The following TBXAS1 variants were observed in gnomAD, a reference collection of about 807,000 sequenced individuals.
TBXAS1 encodes the protein thromboxane A synthase 1, also known as thromboxane-A synthase.
TBXAS1 carries 48 observed loss-of-function variants against 60.7 expected under a neutral mutation model. That is an observed-to-expected ratio of 0.79 (90% confidence interval 0.63 to 1.01). The LOEUF is 1.01. Ranked by LOEUF, TBXAS1 falls within the 50% of genes least tolerant of loss-of-function variation. The pLI is 0.00. For missense variants in TBXAS1, 685 were observed against 686.3 expected, an observed-to-expected ratio of 1.00 and a Z score of 0.02; for synonymous variants, 287 against 269.7, an observed-to-expected ratio of 1.06 and a Z score of -0.63.
rs190857719 is a variant in TBXAS1, at chr7:139,887,199, C to T, written c.236+11562C>T. ...TCAGAATTGATGGTCTCCCACTTCT[C>T]GGTTAGATCTAGGTATTGAGAATAA... On this transcript the variant is annotated intron_variant, in intron 3 of 12. Transcript: ENST00000448866. Among the ~76,000 whole-genome samples the T allele has an allele frequency of 5.3e-5, 8 of 152,256 alleles. No homozygotes were observed. The East Asian group carries it at 9.6e-4, about 18-fold the overall frequency.
At position 140,013,178 on chromosome 7, in the gene TBXAS1, C is replaced by A. The variant is rs933867955; in HGVS notation, c.1227-2545C>A. 6.6e-6 allele frequency among the ~76,000 whole-genome samples: 1 copy of A among 151,946 alleles called. No individual in the cohort carries two copies. The highest frequency in any genetic ancestry group is 6.6e-5 in the Admixed American group (1 of 15,250). On this transcript the variant is annotated intron_variant, in intron 10 of 12. Coordinates refer to ENST00000448866, the MANE Select transcript of TBXAS1 (RefSeq NM_001061.7). The surrounding 1 kb of genome is among the most constrained non-coding windows in gnomAD (Gnocchi z 4.2). ...GTAGGTGAGTTGAAGGGAGTTCTGA[C>A]AGGTAAGACTGTTGTCTGGCAAGTG...
intron 9 of TBXAS1, among the ~76,000 whole-genome samples, chr7:139,984,928 G>GAA (rs1251680378): frequency 1.6e-5 from 1 of 62,882 alleles, no homozygotes. Flanking sequence ...AAGAAGGAAA[G>GAA]AAAGAAAGAA....
At chr7:139,809,958 A>T (rs1215380050) in intron 4 of TBXAS1, among the ~76,000 whole-genome samples, 2 of 152,182 alleles carry the variant, frequency 1.3e-5, no homozygotes, top group African/African-American at 4.8e-5. Flanking sequence ...TCATAGTGAT[A>T]ATTTAAGGCA....
intron 9 of TBXAS1, among the ~76,000 whole-genome samples, chr7:139,969,457 CAAAAAAAAAAAAAAA>C (rs71170928): frequency 9.9e-6 from 1 of 101,038 alleles, no homozygotes; most frequent in Non-Finnish European, 1.9e-5. Flanking sequence ...TATGTGCTTA[CAAAAAAAAAAAAAAA>C]AAAAAAAAAA....
At position 139,911,335 on chromosome 7, in the gene TBXAS1, T is replaced by C. The variant is rs1038235053; in HGVS notation, c.333+14T>C. The C allele has an allele frequency of 1.2e-6, 2 of 1,603,886 alleles. No individual in the cohort carries two copies. Among genetic ancestry groups the C allele is most frequent in the Non-Finnish European group, 1.7e-6 (2 of 1,170,632 alleles). On this transcript the variant is annotated intron_variant, in intron 4 of 12. Transcript: ENST00000448866. ...ACCAACAGAATGGTACGTAGTTTTC[T>C]TTCCGCATATAGATGGATGGGGAAT... is the stretch of plus-strand genomic sequence containing the variant.
intron 1 of TBXAS1, among the ~76,000 whole-genome samples, chr7:139,779,784 G>A (rs1371808744): frequency 1.3e-5 from 2 of 152,208 alleles, no homozygotes; most frequent in Non-Finnish European, 1.5e-5. Context: ...CATCAAGGCA[G>A]GCGAGTCCTG....
intron 3 of TBXAS1, among the ~76,000 whole-genome samples, chr7:139,879,159 C>T (rs1802486772): frequency 1.3e-5 from 2 of 152,234 alleles, no homozygotes; most frequent in Admixed American, 6.5e-5. Context: ...GGGCAGACAA[C>T]ATCAATGTTT....
At chr7:139,858,009 T>G (rs1217298696) in intron 1 of TBXAS1, among the ~76,000 whole-genome samples, 1 of 152,122 alleles carries the variant, frequency 6.6e-6, no homozygotes, top group Non-Finnish European at 1.5e-5. Context: ...ACTGGGATTA[T>G]GGGTGTGAGC....
intron 9 of TBXAS1, among the ~76,000 whole-genome samples, chr7:139,988,365 C>T (rs1221864833): frequency 6.6e-6 from 1 of 152,238 alleles, no homozygotes; most frequent in African/African-American, 2.4e-5. Context: ...TTACCCATCA[C>T]ACTTGCGCTG....
At chr7:139,970,732 A>T (rs1811136302) in intron 9 of TBXAS1, among the ~76,000 whole-genome samples, 1 of 152,176 alleles carries the variant, frequency 6.6e-6, no homozygotes, top group African/African-American at 2.4e-5. Flanking sequence ...GCCTAAAATC[A>T]TCTATTTTCT....
intron 8 of TBXAS1, among the ~76,000 whole-genome samples, chr7:139,959,435 A>G (rs1810151133): frequency 6.6e-6 from 1 of 152,222 alleles, no homozygotes; most frequent in South Asian, 2.1e-4. Context: ...TTCCTTGGAT[A>G]GGACCATAAA....
intron 1 of TBXAS1, among the ~76,000 whole-genome samples, chr7:139,842,648 G>C (rs1799529621): frequency 6.6e-6 from 1 of 152,254 alleles, no homozygotes; most frequent in Admixed American, 6.5e-5. Context: ...AATAGGTGCT[G>C]TTGCACAACT....
At chr7:139,990,923 G>A (rs1426116970) in intron 9 of TBXAS1, among the ~76,000 whole-genome samples, 2 of 152,152 alleles carry the variant, frequency 1.3e-5, no homozygotes, top group African/African-American at 4.8e-5. Context: ...GAAGCCTCCC[G>A]ACGGTGCAGG....
At chr7:139,833,540 AG>A (rs1307453255) in intron 1 of TBXAS1, among the ~76,000 whole-genome samples, 5 of 135,516 alleles carry the variant, frequency 3.7e-5, no homozygotes, top group African/African-American at 1.3e-4. Context: ...AAAAAATTAG[AG>A]GGGTGTGGTG....
rs763326515 is a variant in TBXAS1 at position 139,872,263 on chromosome 7, GAGAAGTTAGGCCTC to G, written c.122_135del (p.Lys41ThrfsTer47). ...CTCCACATCAGCATTCTCAAGACTGGAGAAGTTAGGCCTCAGACATCCCAAGCCTTCTCCTTTCA... is the reference window on the plus strand; with the variant it reads ...CTCCACATCAGCATTCTCAAGACTGGAGACATCCCAAGCCTTCTCCTTTCA... On this transcript the variant is annotated frameshift_variant, in exon 2 of 13. Coordinates refer to ENST00000448866, the MANE Select transcript of TBXAS1 (RefSeq NM_001061.7). LOFTEE classifies it high-confidence loss of function. 1.9e-5 allele frequency: 30 copies of G among 1,614,088 alleles called. No individual in the cohort carries two copies. The South Asian group carries it at 3.3e-4, about 18-fold the overall frequency.
At chr7:139,967,727 T>C (rs139244095) in intron 9 of TBXAS1, among the ~76,000 whole-genome samples, 1 of 152,298 alleles carries the variant, frequency 6.6e-6, no homozygotes, top group East Asian at 1.9e-4. Flanking sequence ...GAGAGGTTGA[T>C]CCCCAAATCA....
chr7:140,007,205 G>T, intron 10 of TBXAS1, 23 bp downstream of exon 10: 1 of 1,610,868 alleles, frequency 6.2e-7, no homozygotes, highest in Non-Finnish European at 8.5e-7. Flanking sequence ...CCCCTCCCCT[G>T]CCCGAGTCCC....
rs1813490900 is a variant in TBXAS1 at position 139,999,076 on chromosome 7, G to A, written c.1135-8015G>A. The stretch of plus-strand genomic sequence containing the variant: ...GGGAAGCCAGCAATGTGGATGGAAA[G>A]ATTTATCACCCCCTCTCATAACCAA... On this transcript the variant is annotated intron_variant, in intron 9 of 12. Coordinates refer to ENST00000448866, the MANE Select transcript of TBXAS1 (RefSeq NM_001061.7). This position sits in a 1 kb window ranked among gnomAD's most constrained non-coding sequence, Gnocchi z 4.3. Among the ~76,000 whole-genome samples, 2 of 152,238 alleles carry A rather than the reference G, an allele frequency of 1.3e-5. No homozygotes were observed. Among genetic ancestry groups the A allele is most frequent in the Admixed American group, 6.5e-5 (1 of 15,290 alleles).
At chr7:139,807,236 C>T (rs1012786531) in intron 4 of TBXAS1, among the ~76,000 whole-genome samples, 2 of 152,134 alleles carry the variant, frequency 1.3e-5, no homozygotes, top group African/African-American at 4.8e-5. Context: ...ATTCTGTTTC[C>T]TGCTCTGCCA....
Sources: allele counts gnomAD v4.1 joint callset (sites outside exome capture counted in the v4.1 genomes callset), GRCh38; gene constraint gnomAD v4.1.1; non-coding constraint Gnocchi (gnomAD v3.1); transcripts MANE v1.5; gene names NCBI Gene and HGNC (gene_info 2026-07-23, HGNC 2026-07-21).